The following LMOD1 variants were observed in gnomAD, a reference collection of about 807,000 sequenced individuals.
The protein encoded by LMOD1 is leiomodin 1.
LMOD1 carries 8 observed loss-of-function variants against 36.5 expected under a neutral mutation model. The observed-to-expected ratio is 0.22, with a 90% confidence interval of 0.13 to 0.40. LMOD1 has a LOEUF of 0.40. Ranked by LOEUF, LMOD1 falls within the 10% of genes least tolerant of loss-of-function variation. The pLI, the probability that LMOD1 is intolerant of heterozygous loss-of-function variation, is 1.00. For missense variants in LMOD1, 630 were observed against 751.1 expected, an observed-to-expected ratio of 0.84 and a Z score of 1.88; for synonymous variants, 284 against 288.7, an observed-to-expected ratio of 0.98 and a Z score of 0.17.
At chr1:201,939,218 G>C (rs935793930) in intron 1 of LMOD1, among the ~76,000 whole-genome samples, 24 of 151,710 alleles carry the variant, frequency 1.6e-4, no homozygotes, top group African/African-American at 5.8e-4. Flanking sequence ...GAAGAGTTTA[G>C]AGTGAGGAAA....
At chr1:201,932,030 G>C (rs1319224033) in intron 1 of LMOD1, among the ~76,000 whole-genome samples, 3 of 152,200 alleles carry the variant, frequency 2.0e-5, no homozygotes, top group Non-Finnish European at 4.4e-5. Flanking sequence ...CACCAATATA[G>C]TGCTATCTGA....
rs777086802 is a variant in LMOD1 at position 201,898,407 on chromosome 1, G to T, written c.1777-9C>A. On this transcript the variant is annotated splice_polypyrimidine_tract_variant and intron_variant, in intron 2 of 2. Coordinates refer to ENST00000367288, the MANE Select transcript of LMOD1 (RefSeq NM_012134.3). ...AGTTTGGGCACTTCCACCTGTAGGG[G>T]CAAAGTAGAGACAGGTTAGAGAAGG... 2 of 1,611,822 alleles carry T rather than the reference G, an allele frequency of 1.2e-6. No homozygotes were observed. The highest frequency in any genetic ancestry group is 1.7e-6 in the Non-Finnish European group (2 of 1,178,988).
Position 201,901,527 on chromosome 1 carries a change from TATGTATATATATATATATATATATAC to T in LMOD1, c.262-802_262-777del, listed in dbSNP as rs1283663868. ...CAAAAAAAAAATATATATATATATA[TATGTATATATATATATATATATATAC>T]ATATATATATGTATATATATATATA... On this transcript the variant is annotated intron_variant, in intron 1 of 2. Transcript: ENST00000367288. 1.8e-3 allele frequency among the ~76,000 whole-genome samples: 57 copies of T among 31,140 alleles called. 1 individual carries two copies. Among genetic ancestry groups the T allele is most frequent in the African/African-American group, 8.1e-3 (53 of 6,538 alleles). 20.4% of individuals were successfully genotyped at this position (31,140 alleles called of 152,430 possible).
chr1:201,898,417 G>T lies in LMOD1; in HGVS notation c.1777-19C>A. 6.2e-7 allele frequency: 1 copy of T among 1,610,766 alleles called. No individual in the cohort carries two copies. Among genetic ancestry groups the T allele is most frequent in the Non-Finnish European group, 8.5e-7 (1 of 1,178,510 alleles). ...CTTCCACCTGTAGGGGCAAAGTAGAGACAGGTTAGAGAAGGGAGCTCAGCC... is the reference window on the plus strand; with the variant it reads ...CTTCCACCTGTAGGGGCAAAGTAGATACAGGTTAGAGAAGGGAGCTCAGCC... On this transcript the variant is annotated intron_variant, in intron 2 of 2. Transcript: ENST00000367288.
Position 201,898,302 on chromosome 1 carries a change from G to A in LMOD1, c.*70C>T, listed in dbSNP as rs1302607931. ...GTCAGCCAGGGATGGGGTGGGCAGG[G>A]TCTGTGTAGCCCTGGGAGGTGAGGC... is the stretch of plus-strand genomic sequence containing the variant. On this transcript the variant is annotated 3_prime_UTR_variant, in exon 3 of 3. Coordinates refer to ENST00000367288, the MANE Select transcript of LMOD1 (RefSeq NM_012134.3). The A allele has an allele frequency of 5.3e-6, 8 of 1,522,638 alleles. No homozygotes were observed. The Admixed American group carries it at 9.0e-5, about 17-fold the overall frequency. 94.3% of individuals were successfully genotyped at this position (1,522,638 alleles called of 1,614,324 possible). A position where few individuals can be genotyped will look rare whatever the true frequency, so the allele number is the denominator to read the frequency against.
chr1:201,938,318 G>A (rs538797328), intron 1 of LMOD1, among the ~76,000 whole-genome samples: 4 of 152,104 alleles, frequency 2.6e-5, no homozygotes, highest in South Asian at 2.1e-4. Context: ...TAGTAGAGAC[G>A]GGGTTTCTCT....
At chr1:201,913,352 T>C (rs1681545017) in intron 1 of LMOD1, among the ~76,000 whole-genome samples, 1 of 152,158 alleles carries the variant, frequency 6.6e-6, no homozygotes, top group Admixed American at 6.6e-5. Context: ...ATGCATGTAA[T>C]CCCGGCACTT....
intron 1 of LMOD1, among the ~76,000 whole-genome samples, chr1:201,901,680 A>ATATATGTG (rs1368522452): frequency 3.1e-5 from 3 of 96,680 alleles, no homozygotes; most frequent in African/African-American, 1.1e-4. Flanking sequence ...ATATACACAT[A>ATATATGTG]TATATATGTG....
At chr1:201,916,867 T>A (rs1010832814) in intron 1 of LMOD1, among the ~76,000 whole-genome samples, 2 of 152,140 alleles carry the variant, frequency 1.3e-5, no homozygotes, top group Admixed American at 1.3e-4. Flanking sequence ...AGCTCCAGCA[T>A]AAACAGAAAC....
chr1:201,933,577 T>C (rs1308785079), intron 1 of LMOD1, among the ~76,000 whole-genome samples: 1 of 130,664 alleles, frequency 7.7e-6, no homozygotes, highest in Admixed American at 8.4e-5. Flanking sequence ...ATATTATATA[T>C]GTACACATAT....
rs1332657741 is a variant in LMOD1 at position 201,899,615 on chromosome 1, C to A, written c.1398G>T (p.Leu466=). Residue 466 remains leucine (L), a synonymous_variant, in exon 2 of 3, where the codon CTG becomes CTT. Transcript: ENST00000367288. The surrounding 1 kb of genome is among the most constrained non-coding windows in gnomAD (Gnocchi z 6.3). ...LAGPRMTVTN[L]LSRNMDKQRQ... ...TCTGCTTGTCCATGTTGCGGCTGAG[C>A]AGATTGGTGACAGTCATTCGGGGCC... The A allele has an allele frequency of 6.2e-7, 1 of 1,612,716 alleles. No homozygotes were observed. Among genetic ancestry groups the A allele is most frequent in the African/African-American group, 1.3e-5 (1 of 74,902 alleles).
At chr1:201,908,931 C>T (rs1681450915) in intron 1 of LMOD1, among the ~76,000 whole-genome samples, 2 of 152,218 alleles carry the variant, frequency 1.3e-5, no homozygotes, top group Non-Finnish European at 2.9e-5. Context: ...GCGACCCAAT[C>T]CGCACCCAAT....
At chr1:201,944,786 C>G (rs1490242464) in intron 1 of LMOD1, among the ~76,000 whole-genome samples, 1 of 152,080 alleles carries the variant, frequency 6.6e-6, no homozygotes, top group African/African-American at 2.4e-5. Context: ...TGCTTCACCC[C>G]CTTCCCTCCT....
chr1:201,904,015 A>G (rs35349183), intron 1 of LMOD1, among the ~76,000 whole-genome samples: 31,215 of 151,998 alleles, frequency 0.21, 3,368 homozygotes, highest in South Asian at 0.25. Flanking sequence ...AACCTTCCCC[A>G]TCAGGGGCCA....
intron 1 of LMOD1, among the ~76,000 whole-genome samples, chr1:201,927,147 TCTC>T: frequency 6.6e-6 from 1 of 152,262 alleles, no homozygotes; most frequent in East Asian, 1.9e-4. Flanking sequence ...ATCACCCCCT[TCTC>T]CTGCTTTTAA....
chr1:201,931,094 G>C (rs1035003903), intron 1 of LMOD1, among the ~76,000 whole-genome samples: 11 of 152,110 alleles, frequency 7.2e-5, no homozygotes, highest in African/African-American at 2.4e-4. Context: ...GAATTGGGGA[G>C]AAAGAGCCAG....
At chr1:201,943,242 A>C (rs2102933611) in intron 1 of LMOD1, among the ~76,000 whole-genome samples, 1 of 152,364 alleles carries the variant, frequency 6.6e-6, no homozygotes, top group East Asian at 1.9e-4. Flanking sequence ...AGGAAGAAGC[A>C]CTGATCTCAA....
intron 1 of LMOD1, among the ~76,000 whole-genome samples, chr1:201,912,534 A>G (rs1383238981): frequency 6.6e-6 from 1 of 152,206 alleles, no homozygotes; most frequent in Non-Finnish European, 1.5e-5. Flanking sequence ...GGCACATAGT[A>G]GATGCTGAGA....
At chr1:201,942,867 C>T (rs961270680) in intron 1 of LMOD1, among the ~76,000 whole-genome samples, 2 of 152,058 alleles carry the variant, frequency 1.3e-5, no homozygotes, top group Admixed American at 6.6e-5. Context: ...ATAAATTTTT[C>T]CCATAAATAT....
Sources: gnomAD v4.1 joint callset for allele counts (sites outside exome capture counted in the v4.1 genomes callset) on GRCh38, gnomAD v4.1.1 for gene constraint, Gnocchi (gnomAD v3.1) non-coding constraint, MANE v1.5 for transcripts, NCBI Gene and HGNC (gene_info 2026-07-23, HGNC 2026-07-21) for gene names.